The following VPS13B variants were observed in gnomAD, a reference collection of about 807,000 sequenced individuals.
VPS13B encodes the protein intermembrane lipid transfer protein VPS13B.
VPS13B carries 285 observed loss-of-function variants against 426.4 expected under a neutral mutation model. The ratio of observed to expected loss-of-function variants is 0.67; its 90% CI spans 0.61 to 0.74. The LOEUF (loss-of-function observed/expected upper bound fraction) is 0.74, where lower values mean the gene tolerates loss of function less well. Ranked by LOEUF, VPS13B falls within the 30% of genes least tolerant of loss-of-function variation. The pLI, the probability that VPS13B is intolerant of heterozygous loss-of-function variation, is 0.00. For missense variants in VPS13B, 4,537 were observed against 4,782.6 expected, an observed-to-expected ratio of 0.95 and a Z score of 1.51; for synonymous variants, 1,676 against 1,676.4, an observed-to-expected ratio of 1.00 and a Z score of 0.01.
chr8:99,761,108 A>T (rs907695459), intron 39 of VPS13B, among the ~76,000 whole-genome samples: 1 of 152,236 alleles, frequency 6.6e-6, no homozygotes, highest in African/African-American at 2.4e-5. Context: ...CATACAACTT[A>T]AATTTTTAAT....
intron 2 of VPS13B, among the ~76,000 whole-genome samples, chr8:99,020,428 T>C (rs910363479): frequency 6.6e-6 from 1 of 152,214 alleles, no homozygotes; most frequent in Non-Finnish European, 1.5e-5. Flanking sequence ...TCTCACATGC[T>C]GTCAGTGGCA....
chr8:99,734,662 C>A (rs954773879), intron 39 of VPS13B, among the ~76,000 whole-genome samples: 11 of 152,052 alleles, frequency 7.2e-5, no homozygotes, highest in African/African-American at 2.7e-4. Context: ...TGAGCAATGA[C>A]CATGACCAAT....
chr8:99,745,552 G>C (rs926525990), intron 39 of VPS13B, among the ~76,000 whole-genome samples: 1 of 151,982 alleles, frequency 6.6e-6, no homozygotes, highest in Non-Finnish European at 1.5e-5. Context: ...CTTTATCATA[G>C]GTATGCATGT....
chr8:99,417,610 C>G (rs964047522), intron 21 of VPS13B, among the ~76,000 whole-genome samples: 2 of 152,088 alleles, frequency 1.3e-5, no homozygotes, highest in Non-Finnish European at 2.9e-5. Context: ...TTTTAATGGT[C>G]TCAGTGGATT....
At chr8:99,703,149 ATATT>A (rs1348367759) in intron 36 of VPS13B, among the ~76,000 whole-genome samples, 1 of 152,176 alleles carries the variant, frequency 6.6e-6, no homozygotes, top group Admixed American at 6.5e-5. Flanking sequence ...ATAAAACTAA[ATATT>A]TATAAATTAT....
intron 19 of VPS13B, among the ~76,000 whole-genome samples, chr8:99,336,874 A>G (rs1180447540): frequency 1.3e-5 from 2 of 152,066 alleles, no homozygotes; most frequent in African/African-American, 2.4e-5. Flanking sequence ...CAGGTGCTGG[A>G]GAGGATGTGG....
intron 33 of VPS13B, among the ~76,000 whole-genome samples, chr8:99,621,285 C>G (rs1208932747): frequency 1.3e-5 from 2 of 152,142 alleles, no homozygotes; most frequent in Admixed American, 1.3e-4. Context: ...CTTGCATTCC[C>G]TTCTCTTCTC....
intron 3 of VPS13B, among the ~76,000 whole-genome samples, chr8:99,074,433 G>T (rs1297086833): frequency 6.6e-6 from 1 of 151,154 alleles, no homozygotes; most frequent in African/African-American, 2.4e-5. Context: ...GCGTGAAACC[G>T]GGAGGCAGAG....
At chr8:99,633,377 C>T (rs928811404) in intron 33 of VPS13B, among the ~76,000 whole-genome samples, 6 of 151,958 alleles carry the variant, frequency 3.9e-5, no homozygotes, top group African/African-American at 7.2e-5. Context: ...CATATAGGCT[C>T]GGTAAACTTT....
chr8:99,606,499 AAAAAAAAAAAAAAAAG>A (rs992632826), intron 33 of VPS13B, among the ~76,000 whole-genome samples: 2 of 94,670 alleles, frequency 2.1e-5, no homozygotes, highest in Admixed American at 1.6e-4. Context: ...ACTCAGTTTC[AAAAAAAAAAAAAAAAG>A]AAAAAAGAAA....
chr8:99,029,187 G>A (rs1451530601), intron 2 of VPS13B, among the ~76,000 whole-genome samples: 36 of 149,886 alleles, frequency 2.4e-4, no homozygotes, highest in African/African-American at 8.1e-4. Context: ...ATGGGCGGCC[G>A]GGCAGAAACG....
intron 3 of VPS13B, among the ~76,000 whole-genome samples, chr8:99,086,387 C>T (rs1478162778): frequency 6.6e-6 from 1 of 152,070 alleles, no homozygotes; most frequent in Non-Finnish European, 1.5e-5. Context: ...TTTGTAACTT[C>T]TGTGCCATTG....
chr8:99,618,636 C>T (rs115721060), intron 33 of VPS13B, among the ~76,000 whole-genome samples: 2 of 152,274 alleles, frequency 1.3e-5, no homozygotes, highest in African/African-American at 2.4e-5. Context: ...AGAAAACTGC[C>T]GATGCTGCTA....
At chr8:99,667,189 A>T (rs1174908621) in intron 35 of VPS13B, among the ~76,000 whole-genome samples, 1 of 152,230 alleles carries the variant, frequency 6.6e-6, no homozygotes, top group African/African-American at 2.4e-5. Flanking sequence ...AGGGCTTGAA[A>T]GTCATGTCTA....
At position 99,127,082 on chromosome 8, in the gene VPS13B, C is replaced by T. The variant is rs567203545; in HGVS notation, c.1206+5637C>T. Reference sequence around the variant, plus strand: ...TGCCACTGCAGCCTGGGTGACAGAGCGAGACCTTGTCTCAAAAAAAAGAAA... The same window carrying T: ...TGCCACTGCAGCCTGGGTGACAGAGTGAGACCTTGTCTCAAAAAAAAGAAA... On this transcript the variant is annotated intron_variant, in intron 8 of 61. Coordinates refer to ENST00000357162, the MANE Select transcript of VPS13B (RefSeq NM_152564.5). Among the ~76,000 whole-genome samples, 19 of 149,334 alleles carry T rather than the reference C, an allele frequency of 1.3e-4. No homozygotes were observed. The South Asian group carries it at 2.5e-3, about 20-fold the overall frequency.
intron 33 of VPS13B, chr8:99,613,724 C>T (rs900531832): frequency 3.9e-5 from 6 of 152,152 alleles, no homozygotes; most frequent in Admixed American, 6.5e-5. Flanking sequence ...TTTCTTTTAA[C>T]GTGGTGACAT....
chr8:99,240,671 A>G (rs1413546715), intron 17 of VPS13B, among the ~76,000 whole-genome samples: 1 of 152,230 alleles, frequency 6.6e-6, no homozygotes, highest in Non-Finnish European at 1.5e-5. Flanking sequence ...ATTTGTACAT[A>G]AGCCACATTA....
intron 19 of VPS13B, among the ~76,000 whole-genome samples, chr8:99,285,241 C>G (rs1280462163): frequency 6.6e-6 from 1 of 152,184 alleles, no homozygotes; most frequent in African/African-American, 2.4e-5. Flanking sequence ...GAGTCAGGAA[C>G]AGTTGCAATA....
intron 29 of VPS13B, among the ~76,000 whole-genome samples, chr8:99,515,944 A>G (rs1158106742): frequency 6.6e-6 from 1 of 152,108 alleles, no homozygotes; most frequent in Non-Finnish European, 1.5e-5. Context: ...TCTGTCTGGC[A>G]TATGTATTGC....
Sources: gnomAD v4.1 joint callset for allele counts (sites outside exome capture counted in the v4.1 genomes callset) on GRCh38, gnomAD v4.1.1 for gene constraint, MANE v1.5 for transcripts, NCBI Gene and HGNC (gene_info 2026-07-23, HGNC 2026-07-21) for gene names.